Variants in RMST observed in about 807,000 individuals in gnomAD.
RMST encodes the protein long intergenic non-protein coding RNA 54.
rs1399900892 is a variant in RMST, at chr12:97,548,088, G to C, written n.1546-12449G>C. 2.0e-5 allele frequency among the ~76,000 whole-genome samples: 3 copies of C among 151,986 alleles called. No individual in the cohort carries two copies. In the South Asian group the frequency reaches 6.2e-4, roughly 31 times the overall value. Reference sequence around the variant, plus strand: ...GATTTTTGTATATAGTTTGAAATAAGAGCCTACTTTCATTCTTCTCCATGT... The same window carrying C: ...GATTTTTGTATATAGTTTGAAATAACAGCCTACTTTCATTCTTCTCCATGT... On this transcript the variant is annotated intron_variant and non_coding_transcript_variant, in intron 11 of 13. Coordinates refer to ENST00000640149, the Ensembl canonical transcript of RMST.
exon 13 of RMST, chr12:97,560,958 A>G (rs1884063711): frequency 6.6e-6 from 1 of 152,322 alleles, no homozygotes; most frequent in African/African-American, 2.4e-5. Flanking sequence ...AATTACCCAC[A>G]CGGAGTCAGC....
chr12:97,471,437 C>T (rs1392480323), intron 5 of RMST, among the ~76,000 whole-genome samples: 1 of 152,110 alleles, frequency 6.6e-6, no homozygotes, highest in African/African-American at 2.4e-5. Flanking sequence ...AGCTTTGGCC[C>T]TGAGGCTTTG....
intron 5 of RMST, among the ~76,000 whole-genome samples, chr12:97,469,569 T>A (rs1480856789): frequency 6.6e-6 from 1 of 152,090 alleles, no homozygotes; most frequent in African/African-American, 2.4e-5. Context: ...TCATTACGTT[T>A]GTTTGTAGAT....
intron 10 of RMST, among the ~76,000 whole-genome samples, chr12:97,503,576 T>C (rs1305982340): frequency 6.6e-6 from 1 of 151,896 alleles, no homozygotes; most frequent in Non-Finnish European, 1.5e-5. Context: ...AAAAAGATAA[T>C]GTTTAACAAT....
At chr12:97,502,815 C>T (rs907902671) in intron 10 of RMST, among the ~76,000 whole-genome samples, 1 of 152,080 alleles carries the variant, frequency 6.6e-6, no homozygotes, top group Non-Finnish European at 1.5e-5. Context: ...AAGTGCTTCA[C>T]AAAATAGTTG....
At chr12:97,466,408 A>C (rs1394249957) in intron 5 of RMST, among the ~76,000 whole-genome samples, 1 of 152,172 alleles carries the variant, frequency 6.6e-6, no homozygotes, top group Non-Finnish European at 1.5e-5. Context: ...ATTTTATATA[A>C]GTGGTTAATT....
intron 10 of RMST, among the ~76,000 whole-genome samples, chr12:97,499,527 T>C (rs1490841493): frequency 2.0e-5 from 3 of 152,194 alleles, no homozygotes; most frequent in Non-Finnish European, 4.4e-5. Context: ...GAGGTGGAAA[T>C]AGAAGGCTCT....
intron 11 of RMST, among the ~76,000 whole-genome samples, chr12:97,550,599 T>G (rs1369826547): frequency 6.6e-6 from 1 of 152,140 alleles, no homozygotes; most frequent in Non-Finnish European, 1.5e-5. Context: ...TGTCAGTAAT[T>G]GCAAAGTTAA....
chr12:97,563,629 G>A (rs1175475423), intron 13 of RMST: 8 of 364,342 alleles, frequency 2.2e-5, no homozygotes, highest in Middle Eastern at 9.5e-4. Flanking sequence ...CTTGTTTCCC[G>A]GTCCTTGTAG....
intron 9 of RMST, among the ~76,000 whole-genome samples, chr12:97,495,662 G>T (rs1207214581): frequency 6.6e-6 from 1 of 152,044 alleles, no homozygotes; most frequent in Non-Finnish European, 1.5e-5. Flanking sequence ...TTTGGGTTAA[G>T]TATAGCTTAT....
intron 11 of RMST, among the ~76,000 whole-genome samples, chr12:97,556,333 T>G (rs990635670): frequency 6.6e-6 from 1 of 152,178 alleles, no homozygotes; most frequent in South Asian, 2.1e-4. Context: ...GCAGCAGACA[T>G]ACTCCCCTAG....
At chr12:97,549,415 A>AC (rs1384797833) in intron 11 of RMST, among the ~76,000 whole-genome samples, 1 of 152,224 alleles carries the variant, frequency 6.6e-6, no homozygotes, top group Admixed American at 6.5e-5. Context: ...TGGTTTATTT[A>AC]CTGGGGTATG....
At chr12:97,546,789 A>T (rs1282597370) in intron 11 of RMST, among the ~76,000 whole-genome samples, 1 of 152,044 alleles carries the variant, frequency 6.6e-6, no homozygotes, top group African/African-American at 2.4e-5. Context: ...ATTATCTCAC[A>T]TACTTATCTT....
At chr12:97,527,409 TGTG>T (rs1881221656) in intron 10 of RMST, among the ~76,000 whole-genome samples, 1 of 152,184 alleles carries the variant, frequency 6.6e-6, no homozygotes, top group Admixed American at 6.5e-5. Context: ...GAATGGAACA[TGTG>T]GTGCTTGCAT....
chr12:97,486,372 T>C (rs1191909285), intron 5 of RMST, among the ~76,000 whole-genome samples: 4 of 152,162 alleles, frequency 2.6e-5, no homozygotes, highest in Admixed American at 6.5e-5. Context: ...CATGCTCCTA[T>C]GAAAAGCAGC....
At chr12:97,520,085 G>C (rs531864333) in intron 10 of RMST, among the ~76,000 whole-genome samples, 1 of 152,256 alleles carries the variant, frequency 6.6e-6, no homozygotes, top group East Asian at 1.9e-4. Flanking sequence ...AAATGGAGGT[G>C]ATTTATTAAT....
At chr12:97,542,037 A>T (rs1374829011) in intron 11 of RMST, among the ~76,000 whole-genome samples, 4 of 151,956 alleles carry the variant, frequency 2.6e-5, no homozygotes. Flanking sequence ...ATTAAGAAAC[A>T]CATTCATTCA....
intron 11 of RMST, chr12:97,532,669 T>TTA (rs398020757): frequency 2.0e-5 from 3 of 148,932 alleles, no homozygotes; most frequent in Non-Finnish European, 4.5e-5. Flanking sequence ...TTTTTTTTTT[T>TTA]AAACAGGATT....
At chr12:97,509,343 C>A (rs1003008104) in intron 10 of RMST, among the ~76,000 whole-genome samples, 1 of 152,068 alleles carries the variant, frequency 6.6e-6, no homozygotes, top group South Asian at 2.1e-4. Context: ...GTATAAAAAG[C>A]TTTTTCATTA....
Sources: gnomAD v4.1 joint callset for allele counts (sites outside exome capture counted in the v4.1 genomes callset) on GRCh38, gnomAD v4.1.1 for gene constraint, MANE v1.5 for transcripts, NCBI Gene and HGNC (gene_info 2026-07-23, HGNC 2026-07-21) for gene names.